The following ENPP6 variants were observed in gnomAD, a reference collection of about 807,000 sequenced individuals.
ENPP6 encodes glycerophosphocholine cholinephosphodiesterase ENPP6.
In ENPP6, 32 loss-of-function variants were observed where a neutral mutation model predicts 42.0. That is an observed-to-expected ratio of 0.76 (90% confidence interval 0.58 to 1.02). The LOEUF (loss-of-function observed/expected upper bound fraction) is 1.02, where lower values mean the gene tolerates loss of function less well. ENPP6 is among the 50% of genes least tolerant of loss of function. ENPP6 has a pLI of 0.00. For synonymous variants in ENPP6, 213 were observed against 216.0 expected (o/e 0.99, Z 0.12); for missense variants, 552 against 566.8 (o/e 0.97, Z 0.27).
chr4:184,203,166 G>A (rs570268884), intron 1 of ENPP6, among the ~76,000 whole-genome samples: 5 of 152,204 alleles, frequency 3.3e-5, no homozygotes, highest in South Asian at 2.1e-4. Context: ...CAGGAGAATC[G>A]CTTGAACCAG....
At chr4:184,183,227 C>T (rs1732583085) in intron 1 of ENPP6, among the ~76,000 whole-genome samples, 3 of 152,162 alleles carry the variant, frequency 2.0e-5, no homozygotes, top group Admixed American at 2.0e-4. Flanking sequence ...GCCAGATAAT[C>T]AGATGAATAG....
intron 6 of ENPP6, among the ~76,000 whole-genome samples, chr4:184,112,259 C>G (rs1736206544): frequency 6.6e-6 from 1 of 152,216 alleles, no homozygotes; most frequent in Admixed American, 6.5e-5. Flanking sequence ...AATTGGCAAA[C>G]TGGGGACTCA....
At chr4:184,211,357 A>G (rs1357516759) in intron 1 of ENPP6, among the ~76,000 whole-genome samples, 1 of 152,068 alleles carries the variant, frequency 6.6e-6, no homozygotes, top group East Asian at 1.9e-4. Context: ...TAATAAAGAA[A>G]AAAAGAGAGA....
At chr4:184,120,280 T>C (rs765662247) in intron 3 of ENPP6, among the ~76,000 whole-genome samples, 1 of 151,582 alleles carries the variant, frequency 6.6e-6, no homozygotes, top group Non-Finnish European at 1.5e-5. Context: ...GTGGAAAGAG[T>C]TGTGTCATCC....
rs551445624 is a variant in ENPP6, at chr4:184,175,739, C to A, written c.242-22006G>T. ...ACACCAAGCGTGTTCTTTATTCTACCCCAAAGGTAGAGGGAAACAGCAGTG... is the reference window on the plus strand; with the variant it reads ...ACACCAAGCGTGTTCTTTATTCTACACCAAAGGTAGAGGGAAACAGCAGTG... On this transcript the variant is annotated intron_variant, in intron 1 of 7. Coordinates refer to ENST00000296741, the MANE Select transcript of ENPP6 (RefSeq NM_153343.4). Among the ~76,000 whole-genome samples the A allele has an allele frequency of 7.2e-5, 11 of 152,144 alleles. No individual in the cohort carries two copies. The South Asian group carries it at 2.3e-3, about 32-fold the overall frequency.
At chr4:184,201,594 T>C (rs1260134607) in intron 1 of ENPP6, among the ~76,000 whole-genome samples, 4 of 152,226 alleles carry the variant, frequency 2.6e-5, no homozygotes, top group Non-Finnish European at 5.9e-5. Flanking sequence ...GAATGCCATA[T>C]AATCAGAACA....
chr4:184,106,196 G>A (rs1408443784), intron 6 of ENPP6, among the ~76,000 whole-genome samples: 3 of 152,034 alleles, frequency 2.0e-5, no homozygotes, highest in Admixed American at 6.6e-5. Context: ...CACCATGCCC[G>A]GTTAATTTTT....
At chr4:184,130,290 G>A (rs899299984) in intron 2 of ENPP6, among the ~76,000 whole-genome samples, 16 of 151,850 alleles carry the variant, frequency 1.1e-4, no homozygotes, top group African/African-American at 3.9e-4. Flanking sequence ...CGGGCGCGGT[G>A]GCTCATGCCT....
intron 1 of ENPP6, among the ~76,000 whole-genome samples, chr4:184,168,296 G>T (rs969293657): frequency 2.6e-5 from 4 of 151,946 alleles, no homozygotes; most frequent in Admixed American, 6.5e-5. Context: ...CGCGGAAAAG[G>T]CCAATCCTAT....
chr4:184,187,791 AT>A (rs1306828318), intron 1 of ENPP6, among the ~76,000 whole-genome samples: 1 of 152,122 alleles, frequency 6.6e-6, no homozygotes, highest in African/African-American at 2.4e-5. Flanking sequence ...TGTTTTGTTC[AT>A]TTGTATCTCC....
intron 2 of ENPP6, among the ~76,000 whole-genome samples, chr4:184,137,814 C>T (rs1435116520): frequency 6.6e-6 from 1 of 152,150 alleles, no homozygotes; most frequent in Non-Finnish European, 1.5e-5. Flanking sequence ...ATAGTGCTGC[C>T]ATGTCTCTTG....
At chr4:184,107,159 G>A (rs1164729451) in intron 6 of ENPP6, among the ~76,000 whole-genome samples, 1 of 152,188 alleles carries the variant, frequency 6.6e-6, no homozygotes, top group African/African-American at 2.4e-5. Flanking sequence ...CTCTGGGGAA[G>A]AGTGTGATCT....
chr4:184,177,913 G>A (rs1266674388), intron 1 of ENPP6, among the ~76,000 whole-genome samples: 1 of 152,186 alleles, frequency 6.6e-6, no homozygotes, highest in Non-Finnish European at 1.5e-5. Context: ...TCATGAAGAT[G>A]AGAAAGAATC....
At chr4:184,101,171 A>AGTGTGTGTGTGAATGTGTGTGTGCT (rs1560977903) in intron 6 of ENPP6, among the ~76,000 whole-genome samples, 4 of 151,766 alleles carry the variant, frequency 2.6e-5, no homozygotes, top group African/African-American at 9.7e-5. Flanking sequence ...GTGTGTGTGC[A>AGTGTGTGTGTGAATGTGTGTGTGCT]TGAGTGTGTA....
In ENPP6 at chr4:184,204,806, T is replaced by TA. The variant is rs201881168; in HGVS notation, c.241+12772dup. Among the ~76,000 whole-genome samples, 201 of 152,370 alleles carry TA rather than the reference T, an allele frequency of 1.3e-3. No homozygotes were observed. The East Asian group carries it at 0.018, about 14-fold the overall frequency. ...GTTCACTAAATGCAAATTGCTTTCA[T>TA]ATGAGCAAAGCATGATTGTAGTTTT... On this transcript the variant is annotated intron_variant, in intron 1 of 7. Coordinates refer to ENST00000296741, the MANE Select transcript of ENPP6 (RefSeq NM_153343.4).
Position 184,088,998 on chromosome 4 carries a change from T to C in ENPP6, c.*2179A>G, listed in dbSNP as rs1259555988. 6.6e-6 allele frequency: 1 copy of C among 152,184 alleles called. No homozygotes were observed. The highest frequency in any genetic ancestry group is 1.5e-5 in the Non-Finnish European group (1 of 68,018). 9.4% of individuals were successfully genotyped at this position (152,184 alleles called of 1,614,324 possible). ...CAATTTTAATTTAATCATTTGAGTA[T>C]CTCTTAGGGATTCTTCCTCCACAGT... On this transcript the variant is annotated 3_prime_UTR_variant, in exon 8 of 8. Coordinates refer to ENST00000296741, the MANE Select transcript of ENPP6 (RefSeq NM_153343.4).
At chr4:184,155,455 G>A (rs1466192817) in intron 1 of ENPP6, among the ~76,000 whole-genome samples, 1 of 151,922 alleles carries the variant, frequency 6.6e-6, no homozygotes, top group African/African-American at 2.4e-5. Flanking sequence ...CCAAGTGCAG[G>A]AGGTTATCTC....
chr4:184,177,798 A>T (rs1374841508), intron 1 of ENPP6, among the ~76,000 whole-genome samples: 1 of 152,230 alleles, frequency 6.6e-6, no homozygotes, highest in Non-Finnish European at 1.5e-5. Flanking sequence ...GACTGTTAAA[A>T]GAAAAACAGA....
chr4:184,157,697 T>C (rs9996137), intron 1 of ENPP6, among the ~76,000 whole-genome samples: 120,862 of 150,396 alleles, frequency 0.8, 49,053 homozygotes, highest in East Asian at 0.95. Context: ...ACTGCAACCT[T>C]GACCTCCCCA....
Sources: allele counts gnomAD v4.1 joint callset (sites outside exome capture counted in the v4.1 genomes callset), GRCh38; gene constraint gnomAD v4.1.1; transcripts MANE v1.5; gene names NCBI Gene and HGNC (gene_info 2026-07-23, HGNC 2026-07-21).